IGSF21: variants seen among roughly 807,000 people sequenced by gnomAD.
IGSF21 encodes the protein immunoglobin superfamily member 21.
In IGSF21, 28 loss-of-function variants were observed where a neutral mutation model predicts 46.8. That is an observed-to-expected ratio of 0.60 (90% CI 0.44 to 0.82). IGSF21 has a LOEUF of 0.82. Ranked by LOEUF, IGSF21 falls within the 40% of genes least tolerant of loss-of-function variation. IGSF21 has a pLI of 0.00. For synonymous variants in IGSF21, 284 were observed against 273.6 expected (o/e 1.04, Z -0.38); for missense variants, 624 against 665.5 (o/e 0.94, Z 0.69).
chr1:18,377,077 A>AG (rs1472329887), intron 8 of IGSF21, 85 bp downstream of exon 8: 6 of 1,430,398 alleles, frequency 4.2e-6, no homozygotes, highest in Non-Finnish European at 3.7e-6. Context: ...AAGAAGCAGT[A>AG]GGGGCCCAAA....
chr1:18,373,450 C>T lies in IGSF21; in HGVS notation c.1016-2860C>T, dbSNP rs1479819719. Among the ~76,000 whole-genome samples, 3 of 152,164 alleles carry T rather than the reference C, an allele frequency of 2.0e-5. No homozygotes were observed. In the East Asian group the frequency reaches 5.8e-4, roughly 29 times the overall value. ...AGGGTGGAAGGAGTGAGGAGGCTGACAGCAGCAGGCTTGGCTTCCAGAAGC... is the reference window on the plus strand; with the variant it reads ...AGGGTGGAAGGAGTGAGGAGGCTGATAGCAGCAGGCTTGGCTTCCAGAAGC... On this transcript the variant is annotated intron_variant, in intron 6 of 9. Transcript: ENST00000251296.
At chr1:18,198,682 AAG>A (rs140460868) in intron 1 of IGSF21, among the ~76,000 whole-genome samples, 42 of 149,286 alleles carry the variant, frequency 2.8e-4, no homozygotes, top group South Asian at 4.2e-4. Context: ...GTATGGGATC[AAG>A]AGAGAGAGAG....
At chr1:18,202,855 C>G (rs1162378058) in intron 1 of IGSF21, among the ~76,000 whole-genome samples, 1 of 152,196 alleles carries the variant, frequency 6.6e-6, no homozygotes, top group East Asian at 1.9e-4. Context: ...AATGGACAAA[C>G]ACCAAAAATG....
chr1:18,187,406 T>C (rs556489011), intron 1 of IGSF21, among the ~76,000 whole-genome samples: 6 of 152,330 alleles, frequency 3.9e-5, no homozygotes, highest in African/African-American at 1.4e-4. Flanking sequence ...TTTGTAGTTC[T>C]ACGTGGCTGG....
intron 2 of IGSF21, among the ~76,000 whole-genome samples, chr1:18,250,984 G>A (rs1261594720): frequency 6.6e-6 from 1 of 152,098 alleles, no homozygotes; most frequent in Non-Finnish European, 1.5e-5. Context: ...TGCCTCTGGG[G>A]AAGTGACATT....
intron 2 of IGSF21, among the ~76,000 whole-genome samples, chr1:18,244,643 G>A (rs1214502309): frequency 6.6e-6 from 1 of 152,168 alleles, no homozygotes; most frequent in Non-Finnish European, 1.5e-5. Flanking sequence ...CTGTGTCTCA[G>A]GCCTGGTGCT....
At chr1:18,245,619 C>T (rs542670430) in intron 2 of IGSF21, among the ~76,000 whole-genome samples, 4 of 152,264 alleles carry the variant, frequency 2.6e-5, no homozygotes, top group Admixed American at 2.6e-4. Context: ...CCAGTCTCCC[C>T]AGCTGATATT....
intron 2 of IGSF21, among the ~76,000 whole-genome samples, chr1:18,273,465 T>TTTCTTTCC (rs2085068526): frequency 1.1e-4 from 2 of 17,930 alleles, no homozygotes; most frequent in Non-Finnish European, 1.5e-4. Flanking sequence ...TTTCTCTCTC[T>TTTCTTTCC]TTCTTTCTTT....
rs2086122140 is a variant in IGSF21, at chr1:18,109,423, T to C, written c.70+1225T>C. ...GGTCTCGACCCCGAGCCCCACTGGATGATAGAGGTGGGCATCACCTCTGTC... is the reference window on the plus strand; with the variant it reads ...GGTCTCGACCCCGAGCCCCACTGGACGATAGAGGTGGGCATCACCTCTGTC... On this transcript the variant is annotated intron_variant, in intron 1 of 9. Coordinates refer to ENST00000251296, the MANE Select transcript of IGSF21 (RefSeq NM_032880.5). The surrounding 1 kb of genome is among the most constrained non-coding windows in gnomAD (Gnocchi z 4.8). The C allele has an allele frequency of 6.6e-6, 1 of 152,110 alleles. No homozygotes were observed. The highest frequency in any genetic ancestry group is 1.5e-5 in the Non-Finnish European group (1 of 68,030). 9.4% of individuals were successfully genotyped at this position (152,110 alleles called of 1,614,324 possible).
chr1:18,359,383 A>AAAGAAAGAAAGAAAGGAAGG (rs1557659626), intron 4 of IGSF21, among the ~76,000 whole-genome samples: 3 of 61,094 alleles, frequency 4.9e-5, no homozygotes, highest in Admixed American at 1.9e-4. Flanking sequence ...AGAAAGAAAG[A>AAAGAAAGAAAGAAAGGAAGG]AAGGAAGGAA....
chr1:18,125,976 T>C, intron 1 of IGSF21, among the ~76,000 whole-genome samples: 1 of 152,118 alleles, frequency 6.6e-6, no homozygotes, highest in Admixed American at 6.5e-5. Context: ...ACCCAGTTAG[T>C]AGTGACCAGG....
chr1:18,306,944 T>G (rs1337061844), intron 3 of IGSF21, among the ~76,000 whole-genome samples: 2 of 152,216 alleles, frequency 1.3e-5, no homozygotes, highest in African/African-American at 2.4e-5. Context: ...GCTGAAAACC[T>G]GCCACCTTCC....
intron 2 of IGSF21, among the ~76,000 whole-genome samples, chr1:18,258,759 T>C (rs2084914525): frequency 6.6e-6 from 1 of 152,198 alleles, no homozygotes; most frequent in South Asian, 2.1e-4. Context: ...GATACTTCCT[T>C]CCATGTGATC....
chr1:18,307,894 C>T (rs562192802), intron 3 of IGSF21, among the ~76,000 whole-genome samples: 1 of 152,312 alleles, frequency 6.6e-6, no homozygotes, highest in Admixed American at 6.5e-5. Context: ...ACCCCAGGCC[C>T]TTGCTCATGC....
intron 1 of IGSF21, among the ~76,000 whole-genome samples, chr1:18,177,392 GGTGTGTGTGTGTGT>G (rs3041401): frequency 4.8e-5 from 6 of 125,018 alleles, no homozygotes; most frequent in Admixed American, 1.6e-4. Flanking sequence ...GGGTCAGTGA[GGTGTGTGTGTGTGT>G]GTGTGTGTGT....
At chr1:18,209,018 A>C (rs1225628730) in intron 1 of IGSF21, among the ~76,000 whole-genome samples, 1 of 152,196 alleles carries the variant, frequency 6.6e-6, no homozygotes, top group Non-Finnish European at 1.5e-5. Flanking sequence ...GGGTGAAGGT[A>C]GTGACTGGGG....
intron 1 of IGSF21, among the ~76,000 whole-genome samples, chr1:18,138,722 T>A (rs867599766): frequency 4.6e-5 from 7 of 152,206 alleles, no homozygotes; most frequent in African/African-American, 1.7e-4. Flanking sequence ...CACAGCAGAC[T>A]TCTTTTAGGT....
intron 2 of IGSF21, among the ~76,000 whole-genome samples, chr1:18,233,511 A>T (rs2124511491): frequency 6.6e-6 from 1 of 152,322 alleles, no homozygotes; most frequent in East Asian, 1.9e-4. Context: ...GCCTTTTAGA[A>T]ACTTCACCTG....
At chr1:18,254,542 T>C (rs2084872266) in intron 2 of IGSF21, among the ~76,000 whole-genome samples, 1 of 152,132 alleles carries the variant, frequency 6.6e-6, no homozygotes, top group Admixed American at 6.5e-5. Flanking sequence ...CCTGAACTTG[T>C]CCCTGGGCCC....
Sources: gnomAD v4.1 joint callset for allele counts (sites outside exome capture counted in the v4.1 genomes callset) on GRCh38, gnomAD v4.1.1 for gene constraint, Gnocchi (gnomAD v3.1) non-coding constraint, MANE v1.5 for transcripts, NCBI Gene and HGNC (gene_info 2026-07-23, HGNC 2026-07-21) for gene names.